LSM14B: variants seen among roughly 807,000 people sequenced by gnomAD.
LSM14B encodes protein LSM14 homolog B.
A neutral mutation model predicts 42.1 loss-of-function variants in LSM14B; 8 were observed. The ratio of observed to expected loss-of-function variants is 0.19; its 90% confidence interval spans 0.11 to 0.34. LSM14B has a LOEUF of 0.34. LSM14B is among the 10% of genes least tolerant of loss of function. The pLI is 1.00. For missense variants in LSM14B, 396 were observed against 513.1 expected, an observed-to-expected ratio of 0.77 and a Z score of 2.21; for synonymous variants, 219 against 209.7, an observed-to-expected ratio of 1.04 and a Z score of -0.38.
At chr20:62,132,910 C>G (rs1462881836) in intron 7 of LSM14B, among the ~76,000 whole-genome samples, 1 of 152,132 alleles carries the variant, frequency 6.6e-6, no homozygotes, top group Non-Finnish European at 1.5e-5. Flanking sequence ...ATCCTAGCCT[C>G]CTCCTTGTCT....
chr20:62,123,005 G>A (rs1276841413), intron 1 of LSM14B: 9 of 276,618 alleles, frequency 3.3e-5, no homozygotes, highest in Middle Eastern at 1.1e-3. Flanking sequence ...CTCCCCCAGC[G>A]TAGCCGGCCG....
At chr20:62,134,061 ACT>A (rs2056842859) in intron 8 of LSM14B, 100 bp from the exon 9 acceptor site, 2 of 366,790 alleles carry the variant, frequency 5.5e-6, no homozygotes, top group African/African-American at 2.2e-5. Flanking sequence ...AGCCAGTCTG[ACT>A]CTGGGGGCAG....
At chr20:62,129,977 A>G in intron 4 of LSM14B, 25 bp downstream of exon 4, 1 of 1,584,812 alleles carries the variant, frequency 6.3e-7, no homozygotes, top group Non-Finnish European at 8.6e-7. Context: ...CATTTCCTGG[A>G]GTTTGCTTGA....
intron 3 of LSM14B, 38 bp from the exon 4 acceptor site, chr20:62,129,747 C>A: frequency 6.4e-7 from 1 of 1,554,444 alleles, no homozygotes; most frequent in Non-Finnish European, 8.7e-7. Context: ...TGCTTCTTTT[C>A]TCTCTGTTTT....
chr20:62,124,823 T>TG (rs752244558), intron 2 of LSM14B, 43 bp downstream of exon 2: 17 of 1,564,562 alleles, frequency 1.1e-5, no homozygotes, highest in Non-Finnish European at 1.4e-5. Context: ...TAGGAGATGC[T>TG]GGTTTCCATT....
intron 2 of LSM14B, among the ~76,000 whole-genome samples, chr20:62,125,166 A>G (rs1439817320): frequency 6.6e-6 from 1 of 152,176 alleles, no homozygotes; most frequent in Non-Finnish European, 1.5e-5. Context: ...GGCGTGAGCC[A>G]CCACACCCAG....
At position 62,133,382 on chromosome 20, in the gene LSM14B, G is replaced by A; in HGVS notation, c.1079G>A (p.Gly360Asp). 1.2e-6 allele frequency: 2 copies of A among 1,613,462 alleles called. No individual in the cohort carries two copies. The highest frequency in any genetic ancestry group is 1.7e-6 in the Non-Finnish European group (2 of 1,179,662). ...GRFLRGRSSRGGFRGGRGNGT... is the reference protein window; with the variant it reads ...GRFLRGRSSRDGFRGGRGNGT... The stretch of plus-strand genomic sequence containing the variant: ...TTTCTTCGTGGCCGCAGTTCTCGGG[G>A]CGGATTCCGAGGAGGCAGGGGCAAT... Residue 360 changes from glycine to aspartate, a missense_variant, in exon 8 of 9, where the codon GGC becomes GAC. Around this residue, in one of 3 missense-constraint regions of LSM14B, gnomAD observed 118 missense variants for 156.4 expected, o/e 0.75. Transcript: ENST00000279068.
rs560423182 is a variant in LSM14B, at chr20:62,130,231, C to T, written c.608C>T (p.Pro203Leu). 3.3e-5 allele frequency: 53 copies of T among 1,603,450 alleles called. No homozygotes were observed. The highest frequency in any genetic ancestry group is 4.5e-5 in the East Asian group (2 of 44,400). Residue 203 changes from proline to leucine, a missense_variant, in exon 5 of 9, where the codon CCG (proline) becomes CTG (leucine). Physicochemically the swap from Pro to Leu is moderately conservative, Grantham distance 98. This residue lies in a region of LSM14B where 274 missense variants were observed against 335.8 expected (regional missense o/e 0.82). Coordinates refer to ENST00000279068, the MANE Select transcript of LSM14B (RefSeq NM_144703.3). This position sits in a 1 kb window ranked among gnomAD's most constrained non-coding sequence, Gnocchi z 4.1. ...TTTTGCGCCGTAGATGTAGTCCAGC[C>T]GGCAGCTGTGCAAGCTCAAGGGCAG... ...SSKTASDVVQ[P>L]AAVQAQGQVN...
At position 62,122,935 on chromosome 20, in the gene LSM14B, A is replaced by T. The variant is rs1184436294; in HGVS notation, c.127+142A>T. 3 of 711,328 alleles carry T rather than the reference A, an allele frequency of 4.2e-6. No individual in the cohort carries two copies. The highest frequency in any genetic ancestry group is 5.6e-6 in the Non-Finnish European group (3 of 532,268). 44.1% of individuals were successfully genotyped at this position (711,328 alleles called of 1,614,324 possible). A position where few individuals can be genotyped will look rare whatever the true frequency, so the allele number is the denominator to read the frequency against. On this transcript the variant is annotated intron_variant, in intron 1 of 8. Coordinates refer to ENST00000279068, the MANE Select transcript of LSM14B (RefSeq NM_144703.3). This position sits in a 1 kb window ranked among gnomAD's most constrained non-coding sequence, Gnocchi z 4.6. ...CCACCCAGGGCACACCCGGCCCGAG[A>T]TCCCCTGCCCGCGCCTTCACCCCGG...
chr20:62,133,179 A>G, intron 7 of LSM14B, 111 bp from the exon 8 acceptor site: 2 of 1,335,338 alleles, frequency 1.5e-6, no homozygotes, highest in Non-Finnish European at 2.0e-6. Flanking sequence ...CCTTCCCTGT[A>G]GTGGCCCTGG....
In LSM14B at chr20:62,129,949, A is replaced by G; in HGVS notation, c.592A>G (p.Ser198Gly). 6.2e-7 allele frequency: 1 copy of G among 1,612,718 alleles called. No homozygotes were observed. The highest frequency in any genetic ancestry group is 8.5e-7 in the Non-Finnish European group (1 of 1,179,478). ...GGCCCAGCCGAGCAGCAAGACGGCC[A>G]GCGGTACTTGAACACATCATTTCCT... ...RQAQPSSKTA[S>G]DVVQPAAVQA... The change falls in exon 4 of 9, where the codon AGC becomes GGC. Residue 198 changes from serine (S) to glycine (G), a missense_variant. Transcript: ENST00000279068.
chr20:62,127,959 C>A (rs887785279), intron 3 of LSM14B: 2 of 635,352 alleles, frequency 3.1e-6, no homozygotes, highest in Non-Finnish European at 2.8e-6. Flanking sequence ...CCATGACTAC[C>A]ACATACGGGA....
chr20:62,134,763 C>G lies in LSM14B; in HGVS notation c.*615C>G, dbSNP rs1160348931. The G allele has an allele frequency of 6.2e-6, 1 of 162,322 alleles. No individual in the cohort carries two copies. The highest frequency in any genetic ancestry group is 1.3e-5 in the Non-Finnish European group (1 of 74,850). The allele number at this position is 162,322 out of a possible 1,614,324, so 10.1% of individuals were successfully genotyped here. ...ATCCACAGTGATGTCAAGGTTGGGG[C>G]TGGCCAGGGGTGGGTGGACTAGAAG... On this transcript the variant is annotated 3_prime_UTR_variant, in exon 9 of 9. Coordinates refer to ENST00000279068, the MANE Select transcript of LSM14B (RefSeq NM_144703.3).
chr20:62,128,750 C>A (rs2056677731), intron 3 of LSM14B, among the ~76,000 whole-genome samples: 1 of 152,216 alleles, frequency 6.6e-6, no homozygotes, highest in Non-Finnish European at 1.5e-5. Context: ...CTTTCCAGAC[C>A]TCTATGCAGA....
At position 62,130,646 on chromosome 20, in the gene LSM14B, C is replaced by T. The variant is rs1347407545; in HGVS notation, c.790C>T (p.Arg264Ter). ...DFESANAQFN[R>*]EELDKEFKKK... ...CGAGAGTGCAAATGCCCAGTTCAACCGAGAGGAGCTTGACAAAGAATTTAA... is the reference window on the plus strand; with the variant it reads ...CGAGAGTGCAAATGCCCAGTTCAACTGAGAGGAGCTTGACAAAGAATTTAA... The change falls in exon 6 of 9, where the codon CGA becomes TGA. Residue 264 changes from arginine to a stop codon, truncating the protein, a stop_gained. Coordinates refer to ENST00000279068, the MANE Select transcript of LSM14B (RefSeq NM_144703.3). LOFTEE classifies it high-confidence loss of function. This position sits in a 1 kb window ranked among gnomAD's most constrained non-coding sequence, Gnocchi z 4.1. 6.2e-7 allele frequency: 1 copy of T among 1,613,800 alleles called. No individual in the cohort carries two copies. Among genetic ancestry groups the T allele is most frequent in the Admixed American group, 1.7e-5 (1 of 59,994 alleles).
At position 62,122,901 on chromosome 20, in the gene LSM14B, GC is replaced by G; in HGVS notation, c.127+111del. The G allele has an allele frequency of 9.8e-7, 1 of 1,015,512 alleles. No individual in the cohort carries two copies. The highest frequency in any genetic ancestry group is 1.2e-6 in the Non-Finnish European group (1 of 810,802). 62.9% of individuals were successfully genotyped at this position (1,015,512 alleles called of 1,614,324 possible). A position where few individuals can be genotyped will look rare whatever the true frequency, so the allele number is the denominator to read the frequency against. On this transcript the variant is annotated intron_variant, in intron 1 of 8. Transcript: ENST00000279068. This position sits in a 1 kb window ranked among gnomAD's most constrained non-coding sequence, Gnocchi z 4.6. ...CCCCGGAGCCTGGCGCCCAGACCCC[GC>G]CCAGAACCCACCCAGGGCACACCCG... is the stretch of plus-strand genomic sequence containing the variant.
rs1183759050 is a variant in LSM14B, at chr20:62,122,598, G to T, written c.-69G>T. ...CAGGAGCGGGCGGCCAGGCCACCGC[G>T]CGGCGGCGGAGCGGGCCGCGGCCCG... On this transcript the variant is annotated 5_prime_UTR_variant, in exon 1 of 9. Transcript: ENST00000279068. This position sits in a 1 kb window ranked among gnomAD's most constrained non-coding sequence, Gnocchi z 4.6. The T allele has an allele frequency of 1.9e-6, 2 of 1,026,982 alleles. No homozygotes were observed. Among genetic ancestry groups the T allele is most frequent in the African/African-American group, 1.7e-5 (1 of 57,466 alleles). The allele number at this position is 1,026,982 out of a possible 1,614,324, so 63.6% of individuals were successfully genotyped here.
At chr20:62,131,273 AGTGAGCCCG>A in intron 6 of LSM14B, 74 bp from the exon 7 acceptor site, 1 of 1,466,630 alleles carries the variant, frequency 6.8e-7, no homozygotes, top group Non-Finnish European at 9.1e-7. Flanking sequence ...GTGGCTTCCG[AGTGAGCCCG>A]GAGGGACCAC....
intron 7 of LSM14B, among the ~76,000 whole-genome samples, chr20:62,132,812 G>C (rs147518322): frequency 6.8e-4 from 103 of 152,284 alleles, no homozygotes; most frequent in Middle Eastern, 3.4e-3. Flanking sequence ...CCAGCAGCTT[G>C]TTTGGGTGGC....
Sources: gnomAD v4.1 joint callset for allele counts (sites outside exome capture counted in the v4.1 genomes callset) on GRCh38, gnomAD v4.1.1 for gene constraint, gnomAD v4.1.1 regional missense constraint, Gnocchi (gnomAD v3.1) non-coding constraint, MANE v1.5 for transcripts, NCBI Gene and HGNC (gene_info 2026-07-23, HGNC 2026-07-21) for gene names.